The following TICRR variants were observed in gnomAD, a reference collection of about 807,000 sequenced individuals.
TICRR encodes treslin.
In TICRR, 132 loss-of-function variants were observed where a neutral mutation model predicts 178.1. That is an observed-to-expected ratio of 0.74 (90% confidence interval 0.64 to 0.86). The LOEUF is 0.86. Among genes scored for constraint, TICRR ranks in the 40% least tolerant of loss-of-function variants. TICRR has a pLI of 0.00. For missense variants in TICRR, 2,587 were observed against 2,334.3 expected (o/e 1.11, Z -2.23); for synonymous variants, 991 against 900.7 (o/e 1.10, Z -1.79).
Position 89,624,388 on chromosome 15 carries a change from A to C in TICRR, c.4078A>C (p.Thr1360Pro), listed in dbSNP as rs1344182954. ...ATCTCTCTCCTGCCCTGTTCCCTCA[A>C]CTCCCCCTGAACTCTCACAGAGAGC... ...AASLSCPVPS[T>P]PPELSQRATL... The change falls in exon 20 of 22, where the codon ACT becomes CCT. Residue 1360 changes from threonine (T) to proline (P), a missense_variant. Physicochemically the swap from Thr to Pro is conservative, Grantham distance 38. Coordinates refer to ENST00000268138, the MANE Select transcript of TICRR (RefSeq NM_152259.4). 1 of 1,614,004 alleles carries C rather than the reference A, an allele frequency of 6.2e-7. No individual in the cohort carries two copies. Among genetic ancestry groups the C allele is most frequent in the Non-Finnish European group, 8.5e-7 (1 of 1,179,972 alleles).
Position 89,618,202 on chromosome 15 carries a change from A to G in TICRR, c.3011A>G (p.Lys1004Arg). ...DIGVVEESPE[K>R]GDEISLRRSP... is the part of the protein sequence containing the mutation. ...GGTGTTGTTGAAGAGTCCCCTGAAA[A>G]AGGAGATGGTGAGTGTTATCTCTTT... is the stretch of plus-strand genomic sequence containing the variant. Residue 1004 changes from lysine to arginine, a missense_variant, in exon 17 of 22, where the codon AAA (lysine) becomes AGA (arginine). By Grantham distance (26) the Lys-to-Arg change is conservative (BLOSUM62 2). Coordinates refer to ENST00000268138, the MANE Select transcript of TICRR (RefSeq NM_152259.4). The G allele has an allele frequency of 6.2e-7, 1 of 1,614,164 alleles. No homozygotes were observed. The highest frequency in any genetic ancestry group is 1.3e-5 in the African/African-American group (1 of 75,038).
intron 19 of TICRR, among the ~76,000 whole-genome samples, 200 bp downstream of exon 19, chr15:89,621,750 T>C (rs895967691): frequency 6.6e-6 from 1 of 152,070 alleles, no homozygotes; most frequent in Non-Finnish European, 1.5e-5. Flanking sequence ...GAAGCCACGG[T>C]GGGGGCGGTG....
In TICRR at chr15:89,582,939, A is replaced by C. The variant is rs879146375; in HGVS notation, c.908A>C (p.Glu303Ala). 1 of 1,613,762 alleles carries C rather than the reference A, an allele frequency of 6.2e-7. No homozygotes were observed. The highest frequency in any genetic ancestry group is 1.3e-5 in the African/African-American group (1 of 75,008). ...PEYEASFPRM[E>A]GMLFLPVEAG... is the part of the protein sequence containing the mutation. ...TATGAGGCCTCGTTTCCACGAATGG[A>C]AGGAATGTTATTTCTCCCTGTTGAA... The change falls in exon 2 of 22, where the codon GAA becomes GCA. Residue 303 changes from glutamate (E) to alanine (A), a missense_variant. Coordinates refer to ENST00000268138, the MANE Select transcript of TICRR (RefSeq NM_152259.4).
intron 7 of TICRR, 51 bp from the exon 8 acceptor site, chr15:89,599,273 A>G: frequency 6.8e-7 from 1 of 1,473,692 alleles, no homozygotes; most frequent in South Asian, 1.3e-5. Context: ...TAAGTAATAC[A>G]AGGACTTGAG....
intron 1 of TICRR, among the ~76,000 whole-genome samples, chr15:89,580,807 G>A (rs1962710853): frequency 6.6e-6 from 1 of 152,200 alleles, no homozygotes; most frequent in South Asian, 2.1e-4. Flanking sequence ...TGAGACAGGA[G>A]GATCTCTTGC....
intron 21 of TICRR, among the ~76,000 whole-genome samples, chr15:89,626,551 G>T (rs1416724905): frequency 6.6e-6 from 1 of 152,124 alleles, no homozygotes; most frequent in African/African-American, 2.4e-5. Flanking sequence ...TAACTGCCCT[G>T]GTTAGCAATG....
chr15:89,608,608 T>A (rs1963207838), intron 14 of TICRR, among the ~76,000 whole-genome samples, 195 bp from the exon 15 acceptor site: 1 of 152,222 alleles, frequency 6.6e-6, no homozygotes, highest in Non-Finnish European at 1.5e-5. Flanking sequence ...AAATTTTTTT[T>A]AATTTGCAAA....
In TICRR at chr15:89,576,001, G is replaced by A. The variant is rs1355288599; in HGVS notation, c.415G>A (p.Glu139Lys). The A allele has an allele frequency of 1.2e-6, 2 of 1,606,866 alleles. No homozygotes were observed. The highest frequency in any genetic ancestry group is 1.7e-6 in the Non-Finnish European group (2 of 1,177,848). ...SGRRLLDVES[E>K]AKEAEAALGG... ...GAGGAGACTGCTGGACGTGGAGAGCGAGGCCAAGGAGGCCGAGGCCGCGCT... is the reference window on the plus strand; with the variant it reads ...GAGGAGACTGCTGGACGTGGAGAGCAAGGCCAAGGAGGCCGAGGCCGCGCT... Residue 139 changes from glutamate (E) to lysine (K), a missense_variant, in exon 1 of 22, where the codon GAG becomes AAG. Glu to Lys is a moderately conservative substitution (Grantham distance 56). Transcript: ENST00000268138.
At chr15:89,613,734 C>CTTTTTTTTTTTTTTTTTTTTTCTTTTT (rs1963288847) in intron 15 of TICRR, among the ~76,000 whole-genome samples, 1 of 61,570 alleles carries the variant, frequency 1.6e-5, no homozygotes, top group Non-Finnish European at 3.0e-5. Flanking sequence ...TTTCTATTCG[C>CTTTTTTTTTTTTTTTTTTTTTCTTTTT]TTTTTTTTTT....
intron 8 of TICRR, among the ~76,000 whole-genome samples, chr15:89,600,070 C>T (rs1461572889): frequency 6.6e-6 from 1 of 152,172 alleles, no homozygotes; most frequent in Non-Finnish European, 1.5e-5. Context: ...CGTACCATTG[C>T]ACTTCAGCCT....
At chr15:89,602,081 C>G (rs1963108474) in intron 12 of TICRR, 105 bp downstream of exon 12, 2 of 1,377,416 alleles carry the variant, frequency 1.5e-6, no homozygotes, top group African/African-American at 2.9e-5. Context: ...ATTTGTTGAA[C>G]TAATAGCTGC....
chr15:89,587,866 G>A lies in TICRR; in HGVS notation c.1411+1924G>A, dbSNP rs768107979. Among the ~76,000 whole-genome samples the A allele has an allele frequency of 2.6e-5, 4 of 152,310 alleles. 1 individual carries two copies. Among genetic ancestry groups the A allele is most frequent in the Non-Finnish European group, 2.9e-5 (2 of 68,018 alleles). ...TAGAGTAATGAAAACAGTGGCTAGA[G>A]AGGGAAGAAGAGTCAAGGTTTTTGG... is the stretch of plus-strand genomic sequence containing the variant. On this transcript the variant is annotated intron_variant, in intron 4 of 21. Transcript: ENST00000268138.
At chr15:89,619,665 T>C in intron 17 of TICRR, 43 bp from the exon 18 acceptor site, 1 of 1,574,818 alleles carries the variant, frequency 6.3e-7, no homozygotes. Flanking sequence ...AATGTCAAGC[T>C]TGTAGTTGTC....
At chr15:89,607,287 C>T (rs769241663) in intron 14 of TICRR, among the ~76,000 whole-genome samples, 3 of 151,956 alleles carry the variant, frequency 2.0e-5, no homozygotes, top group Admixed American at 6.6e-5. Flanking sequence ...GTAATAATGG[C>T]GTTGGGGTTA....
chr15:89,625,107 G>A lies in TICRR; in HGVS notation c.4797G>A (p.Glu1599=). ...LSKEESSLGE[E]SFLPALSMPR... ...AGGAGGAGAGCTCTCTGGGAGAAGA[G>A]AGCTTCCTCCCTGCTCTCAGCATGC... is the stretch of plus-strand genomic sequence containing the variant. Residue 1599 remains glutamate (E), a synonymous_variant, in exon 20 of 22, where the codon GAG becomes GAA. Coordinates refer to ENST00000268138, the MANE Select transcript of TICRR (RefSeq NM_152259.4). The A allele has an allele frequency of 6.2e-7, 1 of 1,613,926 alleles. No homozygotes were observed. Among genetic ancestry groups the A allele is most frequent in the African/African-American group, 1.3e-5 (1 of 75,036 alleles).
Position 89,624,230 on chromosome 15 carries a change from C to G in TICRR, c.3920C>G (p.Thr1307Arg), listed in dbSNP as rs144056774. 2.5e-6 allele frequency: 4 copies of G among 1,614,202 alleles called. No individual in the cohort carries two copies. Among genetic ancestry groups the G allele is most frequent in the South Asian group, 1.1e-5 (1 of 91,088 alleles). Residue 1307 changes from threonine (T) to arginine (R), a missense_variant, in exon 20 of 22, where the codon ACG (threonine) becomes AGG (arginine). By Grantham distance (71) the Thr-to-Arg change is moderately conservative. Transcript: ENST00000268138. ...NSTVTSSPPV[T>R]PKKLFTSPLC... Reference sequence around the variant, plus strand: ...ACTGTGACTTCTTCCCCACCTGTTACGCCAAAGAAACTGTTTACCTCTCCT... The same window carrying G: ...ACTGTGACTTCTTCCCCACCTGTTAGGCCAAAGAAACTGTTTACCTCTCCT...
Position 89,576,868 on chromosome 15 carries a change from C to CAT in TICRR, c.654+629_654+630insTA, listed in dbSNP as rs1372318015. Among the ~76,000 whole-genome samples the CAT allele has an allele frequency of 2.4e-4, 32 of 135,758 alleles. 3 individuals are homozygous for CAT. Among genetic ancestry groups the CAT allele is most frequent in the African/African-American group, 7.1e-4 (27 of 37,800 alleles). 89.1% of individuals were successfully genotyped at this position (135,758 alleles called of 152,430 possible). Reference sequence around the variant, plus strand: ...ATATATATATATATATATACACACACACACATATATATACACATTTATTTA... The same window carrying CAT: ...ATATATATATATATATATACACACACATACACATATATATACACATTTATTTA... On this transcript the variant is annotated intron_variant, in intron 1 of 21. Transcript: ENST00000268138.
chr15:89,624,315 A>G lies in TICRR; in HGVS notation c.4005A>G (p.Pro1335=). The G allele has an allele frequency of 6.2e-7, 1 of 1,614,210 alleles. No homozygotes were observed. The highest frequency in any genetic ancestry group is 1.1e-5 in the South Asian group (1 of 91,080). ...AATCTAAAATAGAGTGTCCTTCCCC[A>G]GGAGAACTGGATCAGAAAGAGCCCC... is the stretch of plus-strand genomic sequence containing the variant. ...FRKSKIECPS[P]GELDQKEPQM... is the part of the protein sequence containing the mutation. Residue 1335 remains proline, a synonymous_variant, in exon 20 of 22, where the codon CCA becomes CCG. Transcript: ENST00000268138.
chr15:89,611,190 T>A (rs1351283366), intron 15 of TICRR, among the ~76,000 whole-genome samples: 1 of 152,172 alleles, frequency 6.6e-6, no homozygotes, highest in Non-Finnish European at 1.5e-5. Context: ...ACAGGGTAAG[T>A]CTACTGATTA....
Sources: allele counts gnomAD v4.1 joint callset (sites outside exome capture counted in the v4.1 genomes callset), GRCh38; gene constraint gnomAD v4.1.1; transcripts MANE v1.5; gene names NCBI Gene and HGNC (gene_info 2026-07-23, HGNC 2026-07-21).